The following CSMD2 variants were observed in gnomAD, a reference collection of about 807,000 sequenced individuals.
The protein encoded by CSMD2 is CUB and Sushi multiple domains 2.
In CSMD2, 130 loss-of-function variants were observed where a neutral mutation model predicts 398.5. The observed-to-expected ratio is 0.33, with a 90% CI of 0.28 to 0.38. CSMD2 has a LOEUF of 0.38. Among genes scored for constraint, CSMD2 ranks in the 10% least tolerant of loss-of-function variants. The pLI, the probability that CSMD2 is intolerant of heterozygous loss-of-function variation, is 1.00. For missense variants in CSMD2, 3,829 were observed against 4,764.9 expected, an observed-to-expected ratio of 0.80 and a Z score of 5.78; for synonymous variants, 1,828 against 1,908.5, an observed-to-expected ratio of 0.96 and a Z score of 1.10.
chr1:33,852,393 G>T (rs931854658), intron 5 of CSMD2, among the ~76,000 whole-genome samples: 6 of 152,166 alleles, frequency 3.9e-5, no homozygotes, highest in Non-Finnish European at 1.5e-5. Context: ...CCTCTTCAAT[G>T]ACACACACTT....
Position 33,949,070 on chromosome 1 carries a change from T to C in CSMD2, c.518-13116A>G, listed in dbSNP as rs77745612. Among the ~76,000 whole-genome samples the C allele has an allele frequency of 2.9e-3, 437 of 152,330 alleles. 15 individuals are homozygous for C. The East Asian group carries it at 0.059, about 21-fold the overall frequency. ...TGGGTTCATGGTCAAACCCCAGCAC[T>C]GTTACTTAAATAGTAAGCTACTTCA... On this transcript the variant is annotated intron_variant, in intron 3 of 70. Coordinates refer to ENST00000373381, the MANE Select transcript of CSMD2 (RefSeq NM_001281956.2).
At chr1:34,037,370 C>A (rs1651279304) in intron 2 of CSMD2, among the ~76,000 whole-genome samples, 1 of 152,190 alleles carries the variant, frequency 6.6e-6, no homozygotes. Context: ...CCACAGGGCC[C>A]CCGTTAGCCT....
intron 4 of CSMD2, among the ~76,000 whole-genome samples, chr1:33,934,518 G>A (rs1191614212): frequency 6.6e-6 from 1 of 152,134 alleles, no homozygotes; most frequent in Non-Finnish European, 1.5e-5. Context: ...GTGATTGATT[G>A]TTTTTCAAAG....
chr1:33,817,035 G>A lies in CSMD2; in HGVS notation c.1324+2678C>T, dbSNP rs1395701834. 1.2e-4 allele frequency among the ~76,000 whole-genome samples: 18 copies of A among 152,222 alleles called. 1 individual carries two copies. In the East Asian group the frequency reaches 2.3e-3, roughly 20 times the overall value. ...TCTTGGAATGGAAAGAGTTTTGTTC[G>A]TTTTCATTCTTAAGGTGGGGTTCAC... On this transcript the variant is annotated intron_variant, in intron 9 of 70. Coordinates refer to ENST00000373381, the MANE Select transcript of CSMD2 (RefSeq NM_001281956.2).
chr1:33,919,485 C>G (rs1643872476), intron 4 of CSMD2, among the ~76,000 whole-genome samples: 1 of 152,158 alleles, frequency 6.6e-6, no homozygotes, highest in Non-Finnish European at 1.5e-5. Flanking sequence ...GAATCATGAG[C>G]CAACTCATAG....
At position 33,611,064 on chromosome 1, in the gene CSMD2, G is replaced by T. The variant is rs2148837095; in HGVS notation, c.6320C>A (p.Pro2107Gln). 1 of 1,613,966 alleles carries T rather than the reference G, an allele frequency of 6.2e-7. No homozygotes were observed. The highest frequency in any genetic ancestry group is 1.1e-5 in the South Asian group (1 of 90,960). ...YFHSDHSQNRPGFKLEYQAYE... is the reference protein window; with the variant it reads ...YFHSDHSQNRQGFKLEYQAYE... ...ACCCTGATACTCCAGCTTGAATCCT[G>T]GCCGATTCTGGGAGTGGTCGCTGTG... is the stretch of plus-strand genomic sequence containing the variant. Residue 2107 changes from proline to glutamine, a missense_variant, in exon 41 of 71, where the codon CCA becomes CAA. Pro to Gln is a moderately conservative substitution (Grantham distance 76, BLOSUM62 -1). Around this residue, in one of 5 missense-constraint regions of CSMD2, gnomAD observed 2,001 missense variants for 2,567.1 expected, o/e 0.78. Transcript: ENST00000373381.
intron 1 of CSMD2, among the ~76,000 whole-genome samples, chr1:34,118,548 C>T (rs1326530285): frequency 6.6e-6 from 1 of 152,198 alleles, no homozygotes; most frequent in Non-Finnish European, 1.5e-5. Flanking sequence ...TAAACAATTT[C>T]AGCAAAGTTG....
intron 5 of CSMD2, among the ~76,000 whole-genome samples, chr1:33,849,322 T>C (rs1638529986): frequency 6.6e-6 from 1 of 152,122 alleles, no homozygotes; most frequent in Non-Finnish European, 1.5e-5. Flanking sequence ...AACTCTCCAA[T>C]GAAAGGAACC....
intron 3 of CSMD2, among the ~76,000 whole-genome samples, chr1:33,988,993 T>TA (rs1381502504): frequency 1.9e-5 from 2 of 103,036 alleles, no homozygotes; most frequent in Admixed American, 2.0e-4. Context: ...TTGGGACAGG[T>TA]AAAAATCTCT....
intron 55 of CSMD2, among the ~76,000 whole-genome samples, chr1:33,554,723 C>T (rs763948926): frequency 2.2e-4 from 33 of 152,100 alleles, no homozygotes; most frequent in Non-Finnish European, 4.1e-4. Flanking sequence ...TGGATGACAG[C>T]GCATCTGTTT....
intron 28 of CSMD2, among the ~76,000 whole-genome samples, chr1:33,649,040 T>C (rs1355311794): frequency 1.3e-5 from 2 of 152,242 alleles, no homozygotes; most frequent in African/African-American, 4.8e-5. Flanking sequence ...TTATATTTTT[T>C]ATTTTCATCT....
intron 25 of CSMD2, among the ~76,000 whole-genome samples, chr1:33,665,445 G>A (rs1308560573): frequency 2.6e-5 from 3 of 115,558 alleles, no homozygotes; most frequent in Non-Finnish European, 5.3e-5. Context: ...GACTTGTATA[G>A]TTTCTTTCTT....
rs1647312938 is a variant in CSMD2, at chr1:33,745,900, A to C, written c.1847-2294T>G. On this transcript the variant is annotated intron_variant, in intron 13 of 70. Transcript: ENST00000373381. ...TCACTTGCTCAATTTAACTGTCACT[A>C]TAATGCTACGAGGTAGGTATTGTTA... Among the ~76,000 whole-genome samples, 4 of 152,354 alleles carry C rather than the reference A, an allele frequency of 2.6e-5. No homozygotes were observed. In the South Asian group the frequency reaches 8.3e-4, roughly 32 times the overall value.
chr1:33,926,189 A>T (rs1644122189), intron 4 of CSMD2, among the ~76,000 whole-genome samples: 1 of 152,224 alleles, frequency 6.6e-6, no homozygotes, highest in Non-Finnish European at 1.5e-5. Flanking sequence ...TACAGCAGGC[A>T]CTTGACTAAT....
At chr1:33,984,367 G>C (rs551218559) in intron 3 of CSMD2, among the ~76,000 whole-genome samples, 1 of 152,250 alleles carries the variant, frequency 6.6e-6, no homozygotes, top group East Asian at 1.9e-4. Context: ...TGTGGGGTGG[G>C]GGCTGAGTTC....
intron 15 of CSMD2, among the ~76,000 whole-genome samples, chr1:33,730,330 C>T (rs999926403): frequency 2.8e-4 from 43 of 152,142 alleles, no homozygotes; most frequent in African/African-American, 8.4e-4. Flanking sequence ...CACAGAAGGA[C>T]GGAGGGAACA....
chr1:33,545,795 T>C (rs1570684725), intron 57 of CSMD2, among the ~76,000 whole-genome samples: 1 of 152,166 alleles, frequency 6.6e-6, no homozygotes, highest in East Asian at 1.9e-4. Flanking sequence ...AATGAAATAG[T>C]GGGTCAAATT....
intron 15 of CSMD2, among the ~76,000 whole-genome samples, chr1:33,738,098 C>T (rs1036755987): frequency 2.6e-5 from 4 of 152,162 alleles, no homozygotes; most frequent in Non-Finnish European, 5.9e-5. Context: ...TACTCTCTCT[C>T]AGGCATGCTC....
At chr1:34,056,817 G>A (rs1653883322) in intron 2 of CSMD2, among the ~76,000 whole-genome samples, 1 of 152,170 alleles carries the variant, frequency 6.6e-6, no homozygotes, top group Non-Finnish European at 1.5e-5. Context: ...AGCACAGTGA[G>A]GGGAGGGGAT....
Sources: gnomAD v4.1 joint callset for allele counts (sites outside exome capture counted in the v4.1 genomes callset) on GRCh38, gnomAD v4.1.1 for gene constraint, gnomAD v4.1.1 regional missense constraint, MANE v1.5 for transcripts, NCBI Gene and HGNC (gene_info 2026-07-23, HGNC 2026-07-21) for gene names.